The following PDE7B variants were observed in gnomAD, a reference collection of about 807,000 sequenced individuals.
The protein encoded by PDE7B is phosphodiesterase 7B.
Under a neutral mutation model 56.2 loss-of-function variants are expected in PDE7B, and 29 were observed. The observed-to-expected ratio is 0.52, with a 90% confidence interval of 0.38 to 0.70. The LOEUF (loss-of-function observed/expected upper bound fraction) is 0.70. Among genes scored for constraint, PDE7B ranks in the 30% least tolerant of loss-of-function variants. PDE7B has a pLI of 0.00. For synonymous variants in PDE7B, 197 were observed against 196.9 expected, an observed-to-expected ratio of 1.00 and a Z score of 0.00; for missense variants, 490 against 565.0, an observed-to-expected ratio of 0.87 and a Z score of 1.35.
intron 1 of PDE7B, among the ~76,000 whole-genome samples, chr6:135,908,743 G>T (rs951835473): frequency 6.6e-6 from 1 of 152,254 alleles, no homozygotes; most frequent in East Asian, 1.9e-4. Context: ...GTTCCCATTT[G>T]CAAAAAGTTC....
intron 3 of PDE7B, among the ~76,000 whole-genome samples, chr6:136,122,730 A>G (rs887949240): frequency 3.9e-5 from 6 of 152,166 alleles, no homozygotes; most frequent in Non-Finnish European, 7.3e-5. Context: ...AAATGTGTAG[A>G]TTCTGTAAAT....
intron 2 of PDE7B, among the ~76,000 whole-genome samples, chr6:136,003,625 AC>A (rs1775716017): frequency 6.7e-6 from 1 of 149,826 alleles, no homozygotes; most frequent in African/African-American, 2.5e-5. Flanking sequence ...ATTCCTGGAC[AC>A]ATACACCCTC....
chr6:135,874,465 T>C (rs1775453146), intron 1 of PDE7B, among the ~76,000 whole-genome samples: 1 of 152,230 alleles, frequency 6.6e-6, no homozygotes, highest in Non-Finnish European at 1.5e-5. Flanking sequence ...TTATAATGTC[T>C]ACAATTTTAT....
intron 2 of PDE7B, among the ~76,000 whole-genome samples, chr6:136,009,086 T>C (rs1249242016): frequency 1.3e-5 from 2 of 152,054 alleles, no homozygotes; most frequent in Non-Finnish European, 2.9e-5. Flanking sequence ...ATTTATTAAA[T>C]AGGGAATCCT....
At chr6:135,910,521 T>G (rs1482450967) in intron 1 of PDE7B, among the ~76,000 whole-genome samples, 1 of 152,206 alleles carries the variant, frequency 6.6e-6, no homozygotes, top group East Asian at 1.9e-4. Flanking sequence ...AGGCATAGCC[T>G]CCTCCATTAT....
At chr6:135,929,871 T>G (rs1009584461) in intron 1 of PDE7B, among the ~76,000 whole-genome samples, 3 of 152,056 alleles carry the variant, frequency 2.0e-5, no homozygotes, top group Non-Finnish European at 4.4e-5. Flanking sequence ...CTAAGAGAAG[T>G]GCAGGGGCTC....
Position 135,976,459 on chromosome 6 carries a change from T to C in PDE7B, c.82+28935T>C, listed in dbSNP as rs144552086. Among the ~76,000 whole-genome samples the C allele has an allele frequency of 3.4e-3, 521 of 152,224 alleles. 3 individuals carry two copies. Among genetic ancestry groups the C allele is most frequent in the African/African-American group, 0.012 (496 of 41,542 alleles). On this transcript the variant is annotated intron_variant, in intron 2 of 12. Coordinates refer to ENST00000308191, the MANE Select transcript of PDE7B (RefSeq NM_018945.4). ...ACCTGGGGAAGGGCTGCAGTGATAA[T>C]ACACCTGTTTACAGGGCAGAGCGGG...
Position 136,191,916 on chromosome 6 carries a change from C to T in PDE7B, c.*76C>T, listed in dbSNP as rs570413732. 3.4e-4 allele frequency: 373 copies of T among 1,087,758 alleles called. No individual in the cohort carries two copies. Among genetic ancestry groups the T allele is most frequent in the Non-Finnish European group, 4.4e-4 (332 of 746,342 alleles). The allele number at this position is 1,087,758 out of a possible 1,614,324, so 67.4% of individuals were successfully genotyped here. A position where few individuals can be genotyped will look rare whatever the true frequency, so the allele number is the denominator to read the frequency against. ...CAGAAGCAGCGTGGAGGGGCCCTCA[C>T]GCAGCAGCCCAGCCACTTTCTGAGT... On this transcript the variant is annotated 3_prime_UTR_variant, in exon 13 of 13. Coordinates refer to ENST00000308191, the MANE Select transcript of PDE7B (RefSeq NM_018945.4).
At chr6:136,035,589 A>G (rs997100478) in intron 2 of PDE7B, among the ~76,000 whole-genome samples, 4 of 152,218 alleles carry the variant, frequency 2.6e-5, no homozygotes, top group Non-Finnish European at 5.9e-5. Flanking sequence ...TATTGGGGGA[A>G]CTTTTTTTAA....
At chr6:135,934,845 AT>A (rs1428451543) in intron 1 of PDE7B, among the ~76,000 whole-genome samples, 346 of 114,868 alleles carry the variant, frequency 3.0e-3, no homozygotes, top group Non-Finnish European at 4.8e-3. Context: ...ATATATATTT[AT>A]TTAAATAAAT....
At chr6:135,856,381 A>G (rs962576979) in intron 1 of PDE7B, among the ~76,000 whole-genome samples, 2 of 152,236 alleles carry the variant, frequency 1.3e-5, no homozygotes, top group African/African-American at 4.8e-5. Context: ...CTAAATGCCA[A>G]TCACTGTCCT....
intron 2 of PDE7B, among the ~76,000 whole-genome samples, chr6:135,994,589 T>C (rs1775531934): frequency 6.6e-6 from 1 of 152,194 alleles, no homozygotes. Context: ...ATAGAGCCTA[T>C]AATACACTCA....
chr6:136,080,866 T>G (rs1360370062), intron 2 of PDE7B, among the ~76,000 whole-genome samples: 1 of 152,098 alleles, frequency 6.6e-6, no homozygotes, highest in Non-Finnish European at 1.5e-5. Context: ...GATGGAGAGC[T>G]GCATGGAGGA....
intron 3 of PDE7B, among the ~76,000 whole-genome samples, chr6:136,111,451 C>T (rs1189751396): frequency 6.6e-6 from 1 of 152,120 alleles, no homozygotes; most frequent in African/African-American, 2.4e-5. Flanking sequence ...TATAATGCAC[C>T]AAAGACCCCA....
chr6:136,165,661 C>G (rs960943212), intron 8 of PDE7B: 2 of 152,176 alleles, frequency 1.3e-5, no homozygotes, highest in African/African-American at 2.4e-5. Context: ...GAGGTCAAAC[C>G]ATTCCTGCTG....
chr6:135,978,329 C>T (rs1335749692), intron 2 of PDE7B, among the ~76,000 whole-genome samples: 1 of 151,940 alleles, frequency 6.6e-6, no homozygotes, highest in African/African-American at 2.4e-5. Flanking sequence ...GGGCACTTAC[C>T]GTAAATGGAG....
intron 1 of PDE7B, among the ~76,000 whole-genome samples, chr6:135,891,089 T>A (rs368952199): frequency 1.3e-5 from 2 of 152,234 alleles, no homozygotes; most frequent in South Asian, 4.1e-4. Flanking sequence ...AAGGGACACA[T>A]TCTTCAAGTG....
chr6:135,998,820 C>T (rs2128205916), intron 2 of PDE7B, among the ~76,000 whole-genome samples: 1 of 150,480 alleles, frequency 6.6e-6, no homozygotes, highest in Non-Finnish European at 1.5e-5. Flanking sequence ...TTAGACATTA[C>T]AATTTTCACT....
In PDE7B at chr6:136,151,161, A is replaced by G. The variant is rs756866168; in HGVS notation, c.384A>G (p.Gly128=). ...DIFLFDRLTN[G]NSLVTLLCHL... Reference sequence around the variant, plus strand: ...AAGGAAGTGACTGTTTTCCTGCAGGAAACAGCCTGGTAACACTGTTGTGCC... The same window carrying G: ...AAGGAAGTGACTGTTTTCCTGCAGGGAACAGCCTGGTAACACTGTTGTGCC... Residue 128 remains glycine (G), a splice_region_variant and synonymous_variant, in exon 6 of 13, where the codon GGA becomes GGG. Transcript: ENST00000308191. 1.9e-6 allele frequency: 3 copies of G among 1,586,896 alleles called. No homozygotes were observed. Among genetic ancestry groups the G allele is most frequent in the East Asian group, 4.5e-5 (2 of 44,740 alleles).
Sources: gnomAD v4.1 joint callset for allele counts (sites outside exome capture counted in the v4.1 genomes callset) on GRCh38, gnomAD v4.1.1 for gene constraint, MANE v1.5 for transcripts, NCBI Gene and HGNC (gene_info 2026-07-23, HGNC 2026-07-21) for gene names.